Variants in LONRF2 observed in about 807,000 individuals in gnomAD.
LONRF2 encodes the protein LON peptidase N-terminal domain and ring finger 2.
In LONRF2, 35 loss-of-function variants were observed where a neutral mutation model predicts 66.6. That is an observed-to-expected ratio of 0.53 (90% CI 0.40 to 0.70). The LOEUF is 0.70. Among genes scored for constraint, LONRF2 ranks in the 30% least tolerant of loss-of-function variants. LONRF2 has a pLI of 0.00. For missense variants in LONRF2, 902 were observed against 1,002.1 expected (o/e 0.90, Z 1.35); for synonymous variants, 417 against 418.1 (o/e 1.00, Z 0.03).
intron 1 of LONRF2, among the ~76,000 whole-genome samples, chr2:100,312,059 G>T (rs1359360569): frequency 6.6e-6 from 1 of 151,990 alleles, no homozygotes; most frequent in Admixed American, 6.6e-5. Flanking sequence ...TATTAAATGA[G>T]ATGAAAATCT....
Position 100,322,177 on chromosome 2 carries a change from AGC to A in LONRF2, c.-86_-85del. On this transcript the variant is annotated 5_prime_UTR_variant, in exon 1 of 12. Coordinates refer to ENST00000393437, the MANE Select transcript of LONRF2 (RefSeq NM_198461.4). The stretch of plus-strand genomic sequence containing the variant: ...CTGCTGCTGGGAACTGGCCGGCGGG[AGC>A]GCGGTCTCAGCCCTCGCCAGCAGCC... 8.6e-7 allele frequency: 1 copy of A among 1,167,806 alleles called. No homozygotes were observed. The highest frequency in any genetic ancestry group is 1.1e-6 in the Non-Finnish European group (1 of 943,438). The allele number at this position is 1,167,806 out of a possible 1,614,324, so 72.3% of individuals were successfully genotyped here.
intron 1 of LONRF2, among the ~76,000 whole-genome samples, chr2:100,314,824 G>A (rs942717811): frequency 6.6e-6 from 1 of 152,126 alleles, no homozygotes; most frequent in East Asian, 1.9e-4. Context: ...GACTGTATAT[G>A]TGAGAGTCAG....
At position 100,322,334 on chromosome 2, in the gene LONRF2, G is replaced by A. The variant is rs1343051193; in HGVS notation, c.-241C>T. On this transcript the variant is annotated 5_prime_UTR_variant, in exon 1 of 12. Transcript: ENST00000393437. ...AGGGCTGCAATCGTTCCGGGGTGGG[G>A]GCCGGGACAGGCACCGCGGGCGCAA... The A allele has an allele frequency of 6.2e-6, 2 of 322,260 alleles. No individual in the cohort carries two copies. The highest frequency in any genetic ancestry group is 1.1e-5 in the Non-Finnish European group (2 of 181,292). 20.0% of individuals were successfully genotyped at this position (322,260 alleles called of 1,614,324 possible).
In LONRF2 at chr2:100,286,826, T is replaced by C. The variant is rs143398579; in HGVS notation, c.2070+88A>G. ...AGCAACCACATTGGGGTAACCAGCA[T>C]CATACTGCCAAGCTCTCCACCAGAA... is the stretch of plus-strand genomic sequence containing the variant. On this transcript the variant is annotated intron_variant, in intron 11 of 11. Coordinates refer to ENST00000393437, the MANE Select transcript of LONRF2 (RefSeq NM_198461.4). 3.5e-3 allele frequency: 5,059 copies of C among 1,466,268 alleles called. 22 individuals are homozygous for C. Among genetic ancestry groups the C allele is most frequent in the South Asian group, 7.3e-3 (526 of 71,844 alleles). The allele number at this position is 1,466,268 out of a possible 1,614,324, so 90.8% of individuals were successfully genotyped here. A position where few individuals can be genotyped will look rare whatever the true frequency, so the allele number is the denominator to read the frequency against.
At position 100,290,376 on chromosome 2, in the gene LONRF2, G is replaced by T; in HGVS notation, c.1802C>A (p.Thr601Lys). Residue 601 changes from threonine to lysine, a missense_variant, in exon 10 of 12, where the codon ACG (threonine) becomes AAG (lysine). Thr to Lys is a moderately conservative substitution (Grantham distance 78). Transcript: ENST00000393437. ...TACAACAGAACTTCCATCAGGAAAC[G>T]TTCTCACGTCCTTAATCTCCAGCAT... ...GCMLEIKDVRTFPDGSSVVDA... is the reference protein window; with the variant it reads ...GCMLEIKDVRKFPDGSSVVDA... 1.2e-6 allele frequency: 2 copies of T among 1,614,124 alleles called. No homozygotes were observed. The highest frequency in any genetic ancestry group is 1.7e-6 in the Non-Finnish European group (2 of 1,180,014).
chr2:100,312,012 G>A (rs1397735032), intron 1 of LONRF2, among the ~76,000 whole-genome samples: 1 of 151,922 alleles, frequency 6.6e-6, no homozygotes, highest in Non-Finnish European at 1.5e-5. Context: ...TCTTGTGCAA[G>A]CTTTACCTGA....
chr2:100,309,992 C>T (rs1330428144), intron 1 of LONRF2, among the ~76,000 whole-genome samples: 2 of 152,132 alleles, frequency 1.3e-5, no homozygotes, highest in East Asian at 3.9e-4. Context: ...TTTTTCTACA[C>T]AACTTGGTAG....
At position 100,283,584 on chromosome 2, in the gene LONRF2, T is replaced by C. The variant is rs1482224353; in HGVS notation, c.*714A>G. Reference sequence around the variant, plus strand: ...TCACTTTATTGTGTGTAAATATATATATATATATCCTCAAGTGAATGATAC... The same window carrying C: ...TCACTTTATTGTGTGTAAATATATACATATATATCCTCAAGTGAATGATAC... On this transcript the variant is annotated 3_prime_UTR_variant, in exon 12 of 12. Coordinates refer to ENST00000393437, the MANE Select transcript of LONRF2 (RefSeq NM_198461.4). 1 of 151,582 alleles carries C rather than the reference T, an allele frequency of 6.6e-6. No individual in the cohort carries two copies. The allele number at this position is 151,582 out of a possible 1,614,324, so 9.4% of individuals were successfully genotyped here.
chr2:100,311,969 T>C (rs1675419147), intron 1 of LONRF2, among the ~76,000 whole-genome samples: 1 of 152,310 alleles, frequency 6.6e-6, no homozygotes, highest in Non-Finnish European at 1.5e-5. Context: ...GACATCTATA[T>C]ACATATGTAA....
intron 2 of LONRF2, among the ~76,000 whole-genome samples, chr2:100,308,098 G>A (rs374876102): frequency 6.6e-6 from 1 of 152,190 alleles, no homozygotes; most frequent in Non-Finnish European, 1.5e-5. Flanking sequence ...GGCCGGGCGT[G>A]GTGGCTCACG....
chr2:100,320,794 G>A (rs1675605048), intron 1 of LONRF2, among the ~76,000 whole-genome samples: 1 of 152,226 alleles, frequency 6.6e-6, no homozygotes, highest in South Asian at 2.1e-4. Context: ...GAGAGTGCCT[G>A]TTGCTGGCCT....
At chr2:100,285,083 C>T (rs866762898) in intron 11 of LONRF2, among the ~76,000 whole-genome samples, 4 of 152,182 alleles carry the variant, frequency 2.6e-5, no homozygotes, top group African/African-American at 4.8e-5. Flanking sequence ...AGGCAAAAGC[C>T]GATCATAAAC....
intron 10 of LONRF2, among the ~76,000 whole-genome samples, 177 bp downstream of exon 10, chr2:100,290,081 T>C (rs1573111368): frequency 6.6e-6 from 1 of 152,016 alleles, no homozygotes; most frequent in East Asian, 1.9e-4. Flanking sequence ...CACTCTAGCC[T>C]GCACGACAGA....
chr2:100,296,017 T>C (rs1052549458), intron 7 of LONRF2, among the ~76,000 whole-genome samples: 1 of 152,172 alleles, frequency 6.6e-6, no homozygotes, highest in South Asian at 2.1e-4. Flanking sequence ...TTTTCTAGCT[T>C]TGTTGTATTA....
In LONRF2 at chr2:100,279,292, T is replaced by C. The variant is rs1674663818; in HGVS notation, c.*5006A>G. 1 of 148,122 alleles carries C rather than the reference T, an allele frequency of 6.8e-6. No homozygotes were observed. Among genetic ancestry groups the C allele is most frequent in the East Asian group, 2.1e-4 (1 of 4,806 alleles). The allele number at this position is 148,122 out of a possible 1,614,324, so 9.2% of individuals were successfully genotyped here. A position where few individuals can be genotyped will look rare whatever the true frequency, so the allele number is the denominator to read the frequency against. ...TCATCAGACTCATATGTTTAACACA[T>C]GTTAACAACTGCACCAAGAAATGTT... is the stretch of plus-strand genomic sequence containing the variant. On this transcript the variant is annotated 3_prime_UTR_variant, in exon 12 of 12. Coordinates refer to ENST00000393437, the MANE Select transcript of LONRF2 (RefSeq NM_198461.4).
chr2:100,305,168 A>G (rs190082047), intron 2 of LONRF2, among the ~76,000 whole-genome samples: 3 of 152,156 alleles, frequency 2.0e-5, no homozygotes, highest in South Asian at 2.1e-4. Flanking sequence ...GTGGAGATAG[A>G]CAGAACTCAG....
At position 100,322,084 on chromosome 2, in the gene LONRF2, C is replaced by T; in HGVS notation, c.10G>A (p.Glu4Lys). Reference protein sequence around the residue: MSPEPVPPPPPPQC... With the variant: MSPKPVPPPPPPQC... ...GGCGGCGGCGGCGGCGGGACCGGCT[C>T]GGGGCTCATCACCGCGGGGCTGCGA... Residue 4 changes from glutamate (E) to lysine (K), a missense_variant, in exon 1 of 12, where the codon GAG becomes AAG. Transcript: ENST00000393437. 7.8e-7 allele frequency: 1 copy of T among 1,277,958 alleles called. No homozygotes were observed. The highest frequency in any genetic ancestry group is 9.9e-7 in the Non-Finnish European group (1 of 1,014,126). 79.2% of individuals were successfully genotyped at this position (1,277,958 alleles called of 1,614,324 possible).
At chr2:100,295,344 T>C (rs1264632114) in intron 8 of LONRF2, 88 bp downstream of exon 8, 3 of 1,332,574 alleles carry the variant, frequency 2.3e-6, no homozygotes, top group African/African-American at 3.0e-5. Flanking sequence ...GAGAGTTCTC[T>C]GCCATGAAAA....
chr2:100,317,105 C>T (rs1675523866), intron 1 of LONRF2, among the ~76,000 whole-genome samples: 1 of 152,224 alleles, frequency 6.6e-6, no homozygotes, highest in South Asian at 2.1e-4. Flanking sequence ...AGCTATACTT[C>T]ACTTAATCCA....
Sources: allele counts gnomAD v4.1 joint callset (sites outside exome capture counted in the v4.1 genomes callset), GRCh38; gene constraint gnomAD v4.1.1; transcripts MANE v1.5; gene names NCBI Gene and HGNC (gene_info 2026-07-23, HGNC 2026-07-21).